BRINP3: variants seen among roughly 807,000 people sequenced by gnomAD.
The protein encoded by BRINP3 is BMP/retinoic acid-inducible neural-specific protein 3.
A neutral mutation model predicts 71.0 loss-of-function variants in BRINP3; 19 were observed. That is an observed-to-expected ratio of 0.27 (90% CI 0.19 to 0.39). The LOEUF (loss-of-function observed/expected upper bound fraction) is 0.39, where lower values mean the gene tolerates loss of function less well. Ranked by LOEUF, BRINP3 falls within the 10% of genes least tolerant of loss-of-function variation. The pLI is 1.00. For synonymous variants in BRINP3, 380 were observed against 337.7 expected, an observed-to-expected ratio of 1.13 and a Z score of -1.37; for missense variants, 959 against 940.8, an observed-to-expected ratio of 1.02 and a Z score of -0.25.
At chr1:190,339,034 A>G (rs915986741) in intron 2 of BRINP3, among the ~76,000 whole-genome samples, 2 of 151,178 alleles carry the variant, frequency 1.3e-5, no homozygotes, top group Non-Finnish European at 3.0e-5. Flanking sequence ...ATAAATAAAT[A>G]AATAAATAAA....
At chr1:190,150,572 C>T (rs954380753) in intron 7 of BRINP3, among the ~76,000 whole-genome samples, 31 of 152,054 alleles carry the variant, frequency 2.0e-4, no homozygotes, top group Non-Finnish European at 1.8e-4. Flanking sequence ...AGTACGACAT[C>T]TTATTATTTA....
In BRINP3 at chr1:190,264,970, C is replaced by T; in HGVS notation, c.513G>A (p.Ser171=). The T allele has an allele frequency of 6.2e-7, 1 of 1,611,906 alleles. No homozygotes were observed. Among genetic ancestry groups the T allele is most frequent in the Non-Finnish European group, 8.5e-7 (1 of 1,179,192 alleles). ...GCTGATGTAGCGTCTCCAGAGTGAC[C>T]GAAGAGCTATTGGTGGTGGAATCAC... The part of the protein sequence containing the change: ...EGSDSTTNSS[S]VTLETLHQLA... The change falls in exon 4 of 8, where the codon TCG becomes TCA. Residue 171 remains serine (S), a synonymous_variant. Transcript: ENST00000367462.
At chr1:190,318,920 T>G (rs962166173) in intron 2 of BRINP3, among the ~76,000 whole-genome samples, 22 of 152,060 alleles carry the variant, frequency 1.4e-4, no homozygotes, top group Admixed American at 1.2e-3. Flanking sequence ...ATATATTTTG[T>G]TCGGATGTAG....
intron 7 of BRINP3, among the ~76,000 whole-genome samples, chr1:190,150,264 C>CTG (rs1553249814): frequency 1.5e-5 from 2 of 131,642 alleles, no homozygotes; most frequent in South Asian, 2.3e-4. Flanking sequence ...ATGTGCATAT[C>CTG]TATGTGTGTG....
chr1:190,255,235 T>A lies in BRINP3; in HGVS notation c.618+9630A>T, dbSNP rs562113392. Among the ~76,000 whole-genome samples, 21 of 143,048 alleles carry A rather than the reference T, an allele frequency of 1.5e-4. No individual in the cohort carries two copies. In the South Asian group the frequency reaches 4.7e-3, roughly 32 times the overall value. The allele number at this position is 143,048 out of a possible 152,430, so 93.8% of individuals were successfully genotyped here. ...TCAGGGATATTGGTCTAAAATTCTC[T>A]CTTTTTTTTTTTTTTTGTTGTGTCT... On this transcript the variant is annotated intron_variant, in intron 4 of 7. Transcript: ENST00000367462.
intron 5 of BRINP3, among the ~76,000 whole-genome samples, chr1:190,228,188 C>T (rs888914174): frequency 6.6e-6 from 1 of 151,678 alleles, no homozygotes; most frequent in Non-Finnish European, 1.5e-5. Context: ...TACCAAATTA[C>T]TGCACATTTC....
intron 2 of BRINP3, among the ~76,000 whole-genome samples, chr1:190,324,418 AC>A (rs1666449287): frequency 6.6e-6 from 1 of 151,886 alleles, no homozygotes; most frequent in Non-Finnish European, 1.5e-5. Context: ...ATTTCCCCCT[AC>A]AAAAATTCCC....
chr1:190,242,341 T>C lies in BRINP3; in HGVS notation c.619-7864A>G, dbSNP rs1659182626. ...AAAAGTAAGCATTATACTTAGTGTG[T>C]TATACATAATTAATATAGTGACTTA... On this transcript the variant is annotated intron_variant, in intron 4 of 7. Coordinates refer to ENST00000367462, the MANE Select transcript of BRINP3 (RefSeq NM_199051.3). Among the ~76,000 whole-genome samples the C allele has an allele frequency of 2.0e-5, 3 of 152,156 alleles. No individual in the cohort carries two copies. The South Asian group carries it at 6.2e-4, about 32-fold the overall frequency.
At chr1:190,241,329 T>A (rs1415678547) in intron 4 of BRINP3, among the ~76,000 whole-genome samples, 1 of 152,088 alleles carries the variant, frequency 6.6e-6, no homozygotes, top group East Asian at 1.9e-4. Context: ...ATCATTTGTA[T>A]GAAATGAGAG....
intron 6 of BRINP3, chr1:190,217,052 A>G (rs1353533577): frequency 6.6e-6 from 1 of 151,986 alleles, no homozygotes; most frequent in East Asian, 1.9e-4. Context: ...TATGTAGAGT[A>G]TAACAGGATT....
At chr1:190,394,430 C>T (rs1671443178) in intron 2 of BRINP3, among the ~76,000 whole-genome samples, 1 of 151,378 alleles carries the variant, frequency 6.6e-6, no homozygotes, top group Non-Finnish European at 1.5e-5. Flanking sequence ...TACTAATTAT[C>T]TGTTCTTTAG....
chr1:190,346,024 G>C (rs923595393), intron 2 of BRINP3, among the ~76,000 whole-genome samples: 8 of 151,896 alleles, frequency 5.3e-5, no homozygotes, highest in Non-Finnish European at 7.4e-5. Context: ...ATGGAAAATA[G>C]TGACATTTTA....
intron 2 of BRINP3, among the ~76,000 whole-genome samples, chr1:190,446,519 A>C (rs1675229908): frequency 6.6e-6 from 1 of 152,110 alleles, no homozygotes; most frequent in South Asian, 2.1e-4. Flanking sequence ...TAAAAGTATA[A>C]GCGATTCTTA....
chr1:190,370,428 T>C (rs1158621853), intron 2 of BRINP3, among the ~76,000 whole-genome samples: 2 of 152,146 alleles, frequency 1.3e-5, no homozygotes, highest in African/African-American at 4.8e-5. Flanking sequence ...GGAGATGATA[T>C]AATTCTCAAC....
intron 6 of BRINP3, among the ~76,000 whole-genome samples, chr1:190,224,673 A>C (rs1219967397): frequency 6.6e-6 from 1 of 151,862 alleles, no homozygotes; most frequent in African/African-American, 2.4e-5. Flanking sequence ...TACAGTAAAC[A>C]ATCAGCAAAG....
chr1:190,217,619 C>T (rs879797497), intron 6 of BRINP3, among the ~76,000 whole-genome samples: 2 of 151,970 alleles, frequency 1.3e-5, no homozygotes, highest in Non-Finnish European at 2.9e-5. Flanking sequence ...AGTAGGGCAA[C>T]TTCTCAAGTG....
intron 2 of BRINP3, among the ~76,000 whole-genome samples, chr1:190,326,066 A>G (rs1422157485): frequency 6.6e-6 from 1 of 152,072 alleles, no homozygotes; most frequent in Non-Finnish European, 1.5e-5. Flanking sequence ...AAATTAAGGA[A>G]GGTCTAAACA....
chr1:190,331,363 A>G (rs140990872), intron 2 of BRINP3, among the ~76,000 whole-genome samples: 4 of 152,168 alleles, frequency 2.6e-5, no homozygotes, highest in African/African-American at 9.6e-5. Context: ...GAACTTAGCT[A>G]TGAAAACTTA....
At chr1:190,227,807 G>A (rs1249410546) in intron 5 of BRINP3, among the ~76,000 whole-genome samples, 1 of 151,798 alleles carries the variant, frequency 6.6e-6, no homozygotes, top group Non-Finnish European at 1.5e-5. Context: ...TGGGCTATAA[G>A]AATACAATGA....
Sources: gnomAD v4.1 joint callset for allele counts (sites outside exome capture counted in the v4.1 genomes callset) on GRCh38, gnomAD v4.1.1 for gene constraint, MANE v1.5 for transcripts, NCBI Gene and HGNC (gene_info 2026-07-23, HGNC 2026-07-21) for gene names.